The following PTPRZ1 variants were observed in gnomAD, a reference collection of about 807,000 sequenced individuals.
The protein encoded by PTPRZ1 is protein tyrosine phosphatase receptor type Z1, also known as receptor-type tyrosine-protein phosphatase zeta.
Under a neutral mutation model 214.1 loss-of-function variants are expected in PTPRZ1, and 82 were observed. That is an observed-to-expected ratio of 0.38 (90% CI 0.32 to 0.46). The LOEUF (loss-of-function observed/expected upper bound fraction) is 0.46, where lower values mean the gene tolerates loss of function less well. Ranked by LOEUF, PTPRZ1 falls within the 20% of genes least tolerant of loss-of-function variation. PTPRZ1 has a pLI of 1.00. For missense variants in PTPRZ1, 2,603 were observed against 2,748.7 expected, an observed-to-expected ratio of 0.95 and a Z score of 1.19; for synonymous variants, 945 against 987.9, an observed-to-expected ratio of 0.96 and a Z score of 0.81.
rs756781023 is a variant in PTPRZ1, at chr7:122,061,876, T to TAA, written c.*657_*658dup. 7.9e-5 allele frequency: 12 copies of TAA among 152,650 alleles called. No individual in the cohort carries two copies. Among genetic ancestry groups the TAA allele is most frequent in the Middle Eastern group, 3.2e-3 (1 of 316 alleles). 9.5% of individuals were successfully genotyped at this position (152,650 alleles called of 1,614,324 possible). A position where few individuals can be genotyped will look rare whatever the true frequency, so the allele number is the denominator to read the frequency against. On this transcript the variant is annotated 3_prime_UTR_variant, in exon 30 of 30. Transcript: ENST00000393386. Reference sequence around the variant, plus strand: ...TTTTCTGACATTGTATTGTGTTACCTAAGTCATTAACTTTGTTTCAGCATG... The same window carrying TAA: ...TTTTCTGACATTGTATTGTGTTACCTAAAAGTCATTAACTTTGTTTCAGCATG...
chr7:122,054,946 A>C lies in PTPRZ1; in HGVS notation c.6387A>C (p.Glu2129Asp), dbSNP rs1242217192. 6.3e-6 allele frequency: 10 copies of C among 1,595,354 alleles called. No homozygotes were observed. The highest frequency in any genetic ancestry group is 8.5e-6 in the Non-Finnish European group (10 of 1,172,872). ...VMIPDGQNMA[E>D]DEFVYWPNKD... ...TTTCATTTGCAATTCTGCAGGCAGA[A>C]GATGAATTTGTTTACTGGCCAAATA... Residue 2129 changes from glutamate (E) to aspartate (D), a missense_variant, in exon 27 of 30, where the codon GAA (glutamate) becomes GAC (aspartate). By Grantham distance (45) the Glu-to-Asp change is conservative (BLOSUM62 2). Transcript: ENST00000393386.
chr7:121,891,779 G>A (rs530144006), intron 1 of PTPRZ1, among the ~76,000 whole-genome samples: 2 of 151,442 alleles, frequency 1.3e-5, no homozygotes, highest in South Asian at 2.1e-4. Context: ...TGCATTTATC[G>A]TTTCTAGGTC....
At chr7:121,920,769 C>G (rs1001058624) in intron 1 of PTPRZ1, among the ~76,000 whole-genome samples, 1 of 152,082 alleles carries the variant, frequency 6.6e-6, no homozygotes, top group African/African-American at 2.4e-5. Context: ...CGTTTAAGCT[C>G]AAGAAATAAA....
chr7:121,976,322 A>C, intron 5 of PTPRZ1, 54 bp downstream of exon 5: 3 of 1,098,980 alleles, frequency 2.7e-6, no homozygotes, highest in Non-Finnish European at 4.0e-6. Context: ...CACATTAAAT[A>C]TTGACGTGAA....
chr7:121,906,941 G>A (rs185089660), intron 1 of PTPRZ1, among the ~76,000 whole-genome samples: 197 of 146,660 alleles, frequency 1.3e-3, no homozygotes, highest in African/African-American at 4.3e-3. Context: ...TGATGTAATG[G>A]TATACTTATA....
Position 122,012,922 on chromosome 7 carries a change from G to A in PTPRZ1, c.3876G>A (p.Leu1292=). ...CTTCTTTGTACAGTAATGATGAGTT[G>A]TTCCAAACGGCCAATTTGGAGATTA... The part of the protein sequence containing the change: ...VVPSLYSNDE[L]FQTANLEINQ... The change falls in exon 12 of 30, where the codon TTG becomes TTA. Residue 1292 remains leucine (L), a synonymous_variant. Transcript: ENST00000393386. 6.2e-7 allele frequency: 1 copy of A among 1,613,996 alleles called. No individual in the cohort carries two copies. Among genetic ancestry groups the A allele is most frequent in the East Asian group, 2.2e-5 (1 of 44,882 alleles).
At chr7:121,900,324 G>C (rs532351361) in intron 1 of PTPRZ1, among the ~76,000 whole-genome samples, 1 of 152,162 alleles carries the variant, frequency 6.6e-6, no homozygotes, top group African/African-American at 2.4e-5. Context: ...TACAAACTTT[G>C]CCTTGTCTCT....
intron 1 of PTPRZ1, among the ~76,000 whole-genome samples, chr7:121,903,420 C>T (rs1450475436): frequency 6.6e-6 from 1 of 152,116 alleles, no homozygotes; most frequent in East Asian, 1.9e-4. Context: ...CAGGCTTCTA[C>T]TGTTGGTAAA....
chr7:121,950,859 G>T (rs1563033249), intron 2 of PTPRZ1, among the ~76,000 whole-genome samples: 1 of 152,108 alleles, frequency 6.6e-6, no homozygotes, highest in Non-Finnish European at 1.5e-5. Context: ...AATATCCAGG[G>T]AATAAGAGAA....
At chr7:121,928,537 G>C (rs1241816065) in intron 2 of PTPRZ1, among the ~76,000 whole-genome samples, 2 of 152,066 alleles carry the variant, frequency 1.3e-5, no homozygotes, top group Non-Finnish European at 2.9e-5. Flanking sequence ...GGGCTGTTCT[G>C]AGCATTAAAT....
intron 1 of PTPRZ1, among the ~76,000 whole-genome samples, chr7:121,919,474 T>C (rs1795526413): frequency 6.6e-6 from 1 of 152,108 alleles, no homozygotes; most frequent in Admixed American, 6.5e-5. Flanking sequence ...CATTTCTCTA[T>C]ACAAGTTTTA....
At chr7:122,046,925 A>G (rs894920745) in intron 23 of PTPRZ1, among the ~76,000 whole-genome samples, 1 of 152,178 alleles carries the variant, frequency 6.6e-6, no homozygotes, top group Non-Finnish European at 1.5e-5. Flanking sequence ...TGAAATGTCT[A>G]AGAAAGGTTA....
intron 23 of PTPRZ1, among the ~76,000 whole-genome samples, chr7:122,046,997 G>C (rs956698213): frequency 1.3e-5 from 2 of 152,194 alleles, no homozygotes; most frequent in African/African-American, 2.4e-5. Context: ...CAAAGGAAAG[G>C]GGGGAAAGTG....
At chr7:122,028,722 G>A (rs542907574) in intron 14 of PTPRZ1, 79 bp downstream of exon 14, 12 of 1,101,482 alleles carry the variant, frequency 1.1e-5, no homozygotes, top group South Asian at 5.4e-5. Context: ...TGTTTTTATC[G>A]GGACACTATG....
At chr7:121,931,998 G>A (rs1171677922) in intron 2 of PTPRZ1, among the ~76,000 whole-genome samples, 1 of 152,128 alleles carries the variant, frequency 6.6e-6, no homozygotes, top group Non-Finnish European at 1.5e-5. Flanking sequence ...GCTTACCAAA[G>A]TTTTTTAAAG....
chr7:121,920,581 A>G (rs1795567461), intron 1 of PTPRZ1, among the ~76,000 whole-genome samples: 1 of 152,186 alleles, frequency 6.6e-6, no homozygotes, highest in African/African-American at 2.4e-5. Flanking sequence ...TCACTGTTAT[A>G]GACATAAAAC....
intron 11 of PTPRZ1, 45 bp downstream of exon 11, chr7:122,004,705 T>G: frequency 8.9e-7 from 1 of 1,125,192 alleles, no homozygotes; most frequent in Non-Finnish European, 1.3e-6. Context: ...TATTAAATGG[T>G]CTATTTTGAA....
At chr7:121,981,005 G>A (rs552805174) in intron 6 of PTPRZ1, among the ~76,000 whole-genome samples, 22 of 152,256 alleles carry the variant, frequency 1.4e-4, no homozygotes, top group Non-Finnish European at 2.9e-4. Flanking sequence ...AGCCAGGCGT[G>A]GTGGCAGGCG....
chr7:121,873,683 A>G (rs1347195190), intron 1 of PTPRZ1, 126 bp downstream of exon 1: 19 of 1,190,980 alleles, frequency 1.6e-5, no homozygotes, highest in East Asian at 4.9e-5. Flanking sequence ...GGGACAGCCA[A>G]CTGGGCTCCC....
Sources: allele counts gnomAD v4.1 joint callset (sites outside exome capture counted in the v4.1 genomes callset), GRCh38; gene constraint gnomAD v4.1.1; transcripts MANE v1.5; gene names NCBI Gene and HGNC (gene_info 2026-07-23, HGNC 2026-07-21).